The following CDK8 variants were observed in gnomAD, a reference collection of about 807,000 sequenced individuals.
CDK8 encodes the protein cyclin dependent kinase 8, also known as cyclin-dependent kinase 8.
CDK8 carries 29 observed loss-of-function variants against 71.5 expected under a neutral mutation model. The observed-to-expected ratio is 0.41, with a 90% CI of 0.30 to 0.55. The LOEUF is 0.55. Among genes scored for constraint, CDK8 ranks in the 20% least tolerant of loss-of-function variants. CDK8 has a pLI of 0.37. For synonymous variants in CDK8, 161 were observed against 192.1 expected, an observed-to-expected ratio of 0.84 and a Z score of 1.34; for missense variants, 288 against 572.6, an observed-to-expected ratio of 0.50 and a Z score of 5.07.
At chr13:26,380,148 G>C (rs918504717) in intron 4 of CDK8, among the ~76,000 whole-genome samples, 3 of 152,188 alleles carry the variant, frequency 2.0e-5, no homozygotes, top group African/African-American at 7.2e-5. Context: ...TTATGTAGGA[G>C]TGGGGGAGGA....
chr13:26,326,826 T>C (rs1267384920), intron 1 of CDK8, among the ~76,000 whole-genome samples: 1 of 152,202 alleles, frequency 6.6e-6, no homozygotes, highest in Non-Finnish European at 1.5e-5. Flanking sequence ...TACGGCCATA[T>C]ACAGCTGATA....
At chr13:26,348,782 T>C (rs1464153596) in intron 2 of CDK8, among the ~76,000 whole-genome samples, 10 of 152,176 alleles carry the variant, frequency 6.6e-5, no homozygotes, top group Non-Finnish European at 2.9e-5. Flanking sequence ...TAAAAATGAT[T>C]AAAATGGTCT....
At chr13:26,292,441 C>T (rs1271642811) in intron 1 of CDK8, among the ~76,000 whole-genome samples, 1 of 152,194 alleles carries the variant, frequency 6.6e-6, no homozygotes, top group Non-Finnish European at 1.5e-5. Context: ...GATGGCTTAC[C>T]ATCACCCAGT....
chr13:26,382,057 C>T (rs1372854414), intron 4 of CDK8, among the ~76,000 whole-genome samples: 2 of 151,968 alleles, frequency 1.3e-5, no homozygotes, highest in East Asian at 1.9e-4. Flanking sequence ...CTTTTTCTTC[C>T]CCTCTCTGCT....
chr13:26,301,800 T>C (rs1381655967), intron 1 of CDK8, among the ~76,000 whole-genome samples: 1 of 152,208 alleles, frequency 6.6e-6, no homozygotes, highest in Non-Finnish European at 1.5e-5. Flanking sequence ...AGCGTCTTCA[T>C]CAAGAGACTC....
At chr13:26,324,590 A>G (rs1874937878) in intron 1 of CDK8, among the ~76,000 whole-genome samples, 1 of 152,186 alleles carries the variant, frequency 6.6e-6, no homozygotes, top group Non-Finnish European at 1.5e-5. Flanking sequence ...AGGCAGATCT[A>G]TGAAATAGCA....
In CDK8 at chr13:26,386,694, G is replaced by A. The variant is rs117381642; in HGVS notation, c.646+1352G>A. Among the ~76,000 whole-genome samples, 7 of 152,212 alleles carry A rather than the reference G, an allele frequency of 4.6e-5. No homozygotes were observed. The East Asian group carries it at 1.2e-3, about 25-fold the overall frequency. ...CTTGTATTTCTGAAAAATGCTGGTC[G>A]GTATCATACTTGCTAGCTTGCCAGG... On this transcript the variant is annotated intron_variant, in intron 6 of 12. Transcript: ENST00000381527.
Position 26,368,205 on chromosome 13 carries a change from C to T in CDK8, c.456+14325C>T, listed in dbSNP as rs116623952. 6.4e-3 allele frequency among the ~76,000 whole-genome samples: 973 copies of T among 152,308 alleles called. 10 individuals are homozygous for T. Among genetic ancestry groups the T allele is most frequent in the African/African-American group, 0.021 (869 of 41,562 alleles). ...CAATAATTGCCTCATGGTCTTGCTG[C>T]TCACCGTTTCTGTCACCACTACTCT... On this transcript the variant is annotated intron_variant, in intron 4 of 12. Transcript: ENST00000381527.
intron 1 of CDK8, among the ~76,000 whole-genome samples, chr13:26,307,353 T>C (rs1156380045): frequency 6.6e-6 from 1 of 152,128 alleles, no homozygotes; most frequent in East Asian, 1.9e-4. Flanking sequence ...GAAGGAGGTA[T>C]GACAACAGAA....
At chr13:26,291,567 T>C (rs138569501) in intron 1 of CDK8, among the ~76,000 whole-genome samples, 3 of 152,290 alleles carry the variant, frequency 2.0e-5, no homozygotes, top group African/African-American at 7.2e-5. Context: ...AAACAGCAAC[T>C]CTGGGCCCAA....
intron 2 of CDK8, among the ~76,000 whole-genome samples, chr13:26,339,694 A>ATTTT (rs1274291101): frequency 2.1e-3 from 188 of 91,386 alleles, no homozygotes; most frequent in African/African-American, 5.7e-3. Context: ...TATACTTTCC[A>ATTTT]TTTTATTTAT....
chr13:26,289,051 GTTTTT>G lies in CDK8; in HGVS notation c.128+34302_128+34306del, dbSNP rs5802371. ...GCTGCATCCAGACTAAGCTTCTGTA[GTTTTT>G]TTTTTTTTTTTTTTTTTTTGAGACA... On this transcript the variant is annotated intron_variant, in intron 1 of 12. Transcript: ENST00000381527. 1.2e-4 allele frequency among the ~76,000 whole-genome samples: 7 copies of G among 56,250 alleles called. 1 individual carries two copies. The highest frequency in any genetic ancestry group is 4.2e-4 in the African/African-American group (7 of 16,756). The allele number at this position is 56,250 out of a possible 152,430, so 36.9% of individuals were successfully genotyped here. A position where few individuals can be genotyped will look rare whatever the true frequency, so the allele number is the denominator to read the frequency against.
In CDK8 at chr13:26,254,980, C is replaced by G. The variant is rs1222733980; in HGVS notation, c.128+211C>G. Among the ~76,000 whole-genome samples the G allele has an allele frequency of 6.6e-6, 1 of 152,248 alleles. No homozygotes were observed. The highest frequency in any genetic ancestry group is 1.5e-5 in the Non-Finnish European group (1 of 68,054). The stretch of plus-strand genomic sequence containing the variant: ...CTGCGTGCCGCGTCTGTGTTCTGCT[C>G]TGGTGGTAAGAGGCAAGATGAGCCT... On this transcript the variant is annotated intron_variant, in intron 1 of 12. Coordinates refer to ENST00000381527, the MANE Select transcript of CDK8 (RefSeq NM_001260.3). This position sits in a 1 kb window ranked among gnomAD's most constrained non-coding sequence, Gnocchi z 6.7.
rs534256171 is a variant in CDK8 at position 26,332,789 on chromosome 13, T to C, written c.129-4778T>C. Among the ~76,000 whole-genome samples the C allele has an allele frequency of 3.9e-4, 59 of 152,312 alleles. No individual in the cohort carries two copies. The South Asian group carries it at 7.7e-3, about 20-fold the overall frequency. ...TGTTAAGTATTTTTATCAAATTTCT[T>C]AAGTCTTCAGATTCTAATTTAAATA... On this transcript the variant is annotated intron_variant, in intron 1 of 12. Coordinates refer to ENST00000381527, the MANE Select transcript of CDK8 (RefSeq NM_001260.3).
chr13:26,402,004 G>A (rs968101862), intron 12 of CDK8, among the ~76,000 whole-genome samples: 1 of 152,096 alleles, frequency 6.6e-6, no homozygotes, highest in African/African-American at 2.4e-5. Context: ...CTATTGTTTT[G>A]GAACAATGTT....
chr13:26,302,240 A>C (rs1378111969), intron 1 of CDK8, among the ~76,000 whole-genome samples: 1 of 152,246 alleles, frequency 6.6e-6, no homozygotes, highest in Non-Finnish European at 1.5e-5. Flanking sequence ...TAAAGACTTC[A>C]GTCGATTTCC....
chr13:26,336,945 A>G (rs1363751899), intron 1 of CDK8, among the ~76,000 whole-genome samples: 4 of 152,112 alleles, frequency 2.6e-5, no homozygotes, highest in South Asian at 4.2e-4. Flanking sequence ...ATCATATTGT[A>G]TTATGGTGTG....
intron 1 of CDK8, among the ~76,000 whole-genome samples, chr13:26,312,376 C>A (rs751517667): frequency 6.6e-6 from 1 of 152,160 alleles, no homozygotes; most frequent in Non-Finnish European, 1.5e-5. Context: ...GCTGCTCACT[C>A]TTTGGGTCTG....
intron 1 of CDK8, among the ~76,000 whole-genome samples, chr13:26,336,623 G>C (rs1221786622): frequency 1.4e-5 from 2 of 145,428 alleles, no homozygotes; most frequent in South Asian, 2.2e-4. Flanking sequence ...GCGTGATCTC[G>C]GCTCACTGCA....
Sources: gnomAD v4.1 joint callset for allele counts (sites outside exome capture counted in the v4.1 genomes callset) on GRCh38, gnomAD v4.1.1 for gene constraint, Gnocchi (gnomAD v3.1) non-coding constraint, MANE v1.5 for transcripts, NCBI Gene and HGNC (gene_info 2026-07-23, HGNC 2026-07-21) for gene names.